SPIN3: variants seen among roughly 807,000 people sequenced by gnomAD.
SPIN3 encodes the protein spindlin-3.
For synonymous variants in SPIN3, 74 were observed against 74.3 expected (o/e 1.00, Z 0.02); for missense variants, 176 against 196.4 (o/e 0.90, Z 0.62).
Position 56,994,711 on chromosome X carries a change from A to T in SPIN3, c.237T>A (p.Asn79Lys). Reference sequence around the variant, plus strand: ...CATATTTGATAAGATACAGAGAGGGATTTACAGGTACCTGATCCAGAACGG... The same window carrying T: ...CATATTTGATAAGATACAGAGAGGGTTTTACAGGTACCTGATCCAGAACGG... The part of the protein sequence containing the change: ...KGTVLDQVPV[N>K]PSLYLIKYDG... The change falls in exon 2 of 2, where the codon AAT becomes AAA. Residue 79 changes from asparagine to lysine, a missense_variant. By Grantham distance (94) the Asn-to-Lys change is moderately conservative. Coordinates refer to ENST00000374919, the MANE Select transcript of SPIN3 (RefSeq NM_001010862.3). 2.5e-6 allele frequency: 3 copies of T among 1,210,130 alleles called. No homozygotes were observed. In the South Asian group the frequency reaches 5.3e-5, roughly 21 times the overall value.
downstream of SPIN3, among the ~76,000 whole-genome samples, chrX:56,989,857 A>C (rs889805981): frequency 5.4e-5 from 6 of 111,659 alleles, no homozygotes; most frequent in African/African-American, 2.0e-4. Flanking sequence ...CTGATTCTAC[A>C]TTATGGTGAG....
At chrX:56,980,187 CAG>C (rs1227597032) in intron 3 of SPIN3, 1 of 111,558 alleles carries the variant, frequency 9.0e-6, no homozygotes, top group Non-Finnish European at 1.9e-5. Context: ...ATATGCACAA[CAG>C]AAACTCATGT....
exon 6 of SPIN3, chrX:56,976,649 C>T (rs1924012094): frequency 9.0e-6 from 1 of 111,372 alleles, no homozygotes; most frequent in African/African-American, 3.3e-5. Flanking sequence ...GGAAGAAAAA[C>T]ATATCATGGA....
chrX:56,991,656 G>A lies in SPIN3; in HGVS notation c.*2515C>T, dbSNP rs1312979568. The A allele has an allele frequency of 1.8e-5, 2 of 113,239 alleles. No individual in the cohort carries two copies. Among genetic ancestry groups the A allele is most frequent in the African/African-American group, 6.4e-5 (2 of 31,010 alleles). 9.3% of individuals were successfully genotyped at this position (113,239 alleles called of 1,213,427 possible). A position where few individuals can be genotyped will look rare whatever the true frequency, so the allele number is the denominator to read the frequency against. ...TGCTCAAGACTCTGGTCAACAAACA[G>A]GGCTGTGGCTGTCCCCTTCCAGGGA... On this transcript the variant is annotated 3_prime_UTR_variant, in exon 2 of 2. Transcript: ENST00000374919.
intron 3 of SPIN3, chrX:56,979,174 A>G (rs1372280885): frequency 9.0e-6 from 1 of 111,708 alleles, no homozygotes; most frequent in Non-Finnish European, 1.9e-5. Context: ...CTGTTCTACA[A>G]AACCTGATAG....
At position 56,991,296 on chromosome X, in the gene SPIN3, GGA is replaced by G. The variant is rs1386150646; in HGVS notation, c.*2873_*2874del. On this transcript the variant is annotated 3_prime_UTR_variant, in exon 2 of 2. Transcript: ENST00000374919. The stretch of plus-strand genomic sequence containing the variant: ...CGACTTTGGGATTCCCCCACCCCAA[GGA>G]GAGATAGTTGGGTCTAGAAAGCAGA... 1 of 111,668 alleles carries G rather than the reference GGA, an allele frequency of 9.0e-6. No individual in the cohort carries two copies. The highest frequency in any genetic ancestry group is 3.2e-5 in the African/African-American group (1 of 30,770). The allele number at this position is 111,668 out of a possible 1,213,427, so 9.2% of individuals were successfully genotyped here. A position where few individuals can be genotyped will look rare whatever the true frequency, so the allele number is the denominator to read the frequency against.
chrX:56,990,591 T>G (rs1250436570), downstream of SPIN3, among the ~76,000 whole-genome samples: 1 of 112,324 alleles, frequency 8.9e-6, no homozygotes, highest in Non-Finnish European at 1.9e-5. Context: ...TTGGTTTTCC[T>G]TTTAACTTCC....
At position 56,991,325 on chromosome X, in the gene SPIN3, G is replaced by A. The variant is rs1193940920; in HGVS notation, c.*2846C>T. On this transcript the variant is annotated 3_prime_UTR_variant, in exon 2 of 2. Coordinates refer to ENST00000374919, the MANE Select transcript of SPIN3 (RefSeq NM_001010862.3). ...AGATAGTTGGGTCTAGAAAGCAGAT[G>A]TTTACCCAGCCATGTAGTGAAGGAC... 1 of 111,368 alleles carries A rather than the reference G, an allele frequency of 9.0e-6. No homozygotes were observed. The highest frequency in any genetic ancestry group is 1.9e-5 in the Non-Finnish European group (1 of 53,083). 9.2% of individuals were successfully genotyped at this position (111,368 alleles called of 1,213,427 possible). A position where few individuals can be genotyped will look rare whatever the true frequency, so the allele number is the denominator to read the frequency against.
At chrX:56,982,991 G>A (rs756868226) in intron 3 of SPIN3, 7 of 111,660 alleles carry the variant, frequency 6.3e-5, no homozygotes, top group Non-Finnish European at 1.3e-4. Context: ...AAATAGTTAA[G>A]CTACAAAGGT....
At chrX:56,986,652 T>C (rs1924227649), downstream of SPIN3, among the ~76,000 whole-genome samples, 1 of 112,230 alleles carries the variant, frequency 8.9e-6, no homozygotes, top group Non-Finnish European at 1.9e-5. Flanking sequence ...TACAAATGTC[T>C]TGTAGTATGT....
exon 3 of SPIN3, chrX:56,984,348 C>T (rs988983269): frequency 3.4e-6 from 1 of 291,113 alleles, no homozygotes; most frequent in African/African-American, 2.8e-5. Flanking sequence ...CCCTCAAAAT[C>T]TTTCCAGCTT....
At position 56,991,261 on chromosome X, in the gene SPIN3, A is replaced by G. The variant is rs1396485820; in HGVS notation, c.*2910T>C. 1 of 112,034 alleles carries G rather than the reference A, an allele frequency of 8.9e-6. No homozygotes were observed. The highest frequency in any genetic ancestry group is 1.9e-5 in the Non-Finnish European group (1 of 53,216). 9.2% of individuals were successfully genotyped at this position (112,034 alleles called of 1,213,427 possible). A position where few individuals can be genotyped will look rare whatever the true frequency, so the allele number is the denominator to read the frequency against. ...CCTGAGGCTGAAATGAACTTCTATC[A>G]TAAGTCTAACGACTTTGGGATTCCC... On this transcript the variant is annotated 3_prime_UTR_variant, in exon 2 of 2. Transcript: ENST00000374919.
At chrX:56,985,907 T>C (rs935811559), downstream of SPIN3, among the ~76,000 whole-genome samples, 6 of 111,223 alleles carry the variant, frequency 5.4e-5, no homozygotes, top group African/African-American at 2.0e-4. Flanking sequence ...AGATATATGC[T>C]TGGCTAACTC....
rs771781014 is a variant in SPIN3, at chrX:56,993,970, G to A, written c.*201C>T. 19 of 394,168 alleles carry A rather than the reference G, an allele frequency of 4.8e-5. No individual in the cohort carries two copies. Among genetic ancestry groups the A allele is most frequent in the East Asian group, 2.5e-4 (6 of 24,444 alleles). 32.5% of individuals were successfully genotyped at this position (394,168 alleles called of 1,213,427 possible). ...CCTTCTCACTAATCAGTTAAATTGC[G>A]GAGAGGAACCAGTGAAAAGGTTGGA... On this transcript the variant is annotated 3_prime_UTR_variant, in exon 2 of 2. Transcript: ENST00000374919.
chrX:56,994,322 A>C lies in SPIN3; in HGVS notation c.626T>G (p.Leu209Arg). 8.3e-7 allele frequency: 1 copy of C among 1,212,004 alleles called. No homozygotes were observed. Among genetic ancestry groups the C allele is most frequent in the Non-Finnish European group, 1.1e-6 (1 of 895,594 alleles). Reference sequence around the variant, plus strand: ...GGCGTATTCCACCTGTTTGCCTACCAGGCTGTCTATGACTTCTCCTGGCTC... The same window carrying C: ...GGCGTATTCCACCTGTTTGCCTACCCGGCTGTCTATGACTTCTCCTGGCTC... The part of the protein sequence containing the change: ...EREPGEVIDS[L>R]VGKQVEYAKD... Residue 209 changes from leucine to arginine, a missense_variant, in exon 2 of 2, where the codon CTG (leucine) becomes CGG (arginine). Physicochemically the swap from Leu to Arg is moderately radical, Grantham distance 102. Transcript: ENST00000374919.
rs750417023 is a variant in SPIN3 at position 56,994,910 on chromosome X, C to T, written c.38G>A (p.Arg13Gln). Residue 13 changes from arginine (R) to glutamine (Q), a missense_variant, in exon 2 of 2, where the codon CGG becomes CAG. Arg to Gln is a conservative substitution (Grantham distance 43, BLOSUM62 1). Coordinates refer to ENST00000374919, the MANE Select transcript of SPIN3 (RefSeq NM_001010862.3). ...TPFGKAAAGQRSRTGAGHGSV... is the reference protein window; with the variant it reads ...TPFGKAAAGQQSRTGAGHGSV... ...GCCGTGGCCAGCGCCCGTCCTGGAC[C>T]GCTGCCCTGCAGCTGCCTTTCCAAA... is the stretch of plus-strand genomic sequence containing the variant. 1.4e-5 allele frequency: 17 copies of T among 1,201,345 alleles called. No homozygotes were observed. The highest frequency in any genetic ancestry group is 1.8e-5 in the African/African-American group (1 of 57,012).
chrX:56,983,382 T>C (rs1250509166), intron 3 of SPIN3, among the ~76,000 whole-genome samples: 2 of 111,573 alleles, frequency 1.8e-5, no homozygotes, highest in Admixed American at 9.5e-5. Flanking sequence ...TAGAAAACTT[T>C]GGGATTTTCT....
downstream of SPIN3, among the ~76,000 whole-genome samples, chrX:56,986,347 C>T (rs1456045763): frequency 2.7e-5 from 3 of 111,627 alleles, no homozygotes; most frequent in Admixed American, 2.9e-4. Context: ...CTGGACTTCC[C>T]CCTTGGTGCT....
intron 5 of SPIN3, chrX:56,977,568 GTC>G (rs1306031844): frequency 8.9e-6 from 1 of 111,781 alleles, no homozygotes; most frequent in Non-Finnish European, 1.9e-5. Context: ...TCCTCTCTGT[GTC>G]TCTACACACA....
Sources: gnomAD v4.1 joint callset for allele counts (sites outside exome capture counted in the v4.1 genomes callset) on GRCh38, gnomAD v4.1.1 for gene constraint, MANE v1.5 for transcripts, NCBI Gene and HGNC (gene_info 2026-07-23, HGNC 2026-07-21) for gene names.